PFKFB1: variants seen among roughly 807,000 people sequenced by gnomAD.
PFKFB1 encodes the protein 6-phosphofructo-2-kinase/fructose-2,6-biphosphatase 1.
Under a neutral mutation model 46.4 loss-of-function variants are expected in PFKFB1, and 34 were observed. That is an observed-to-expected ratio of 0.73 (90% CI 0.56 to 0.98). The LOEUF (loss-of-function observed/expected upper bound fraction) is 0.98. PFKFB1 is among the 50% of genes least tolerant of loss of function. The pLI is 0.00. For synonymous variants in PFKFB1, 119 were observed against 133.8 expected, an observed-to-expected ratio of 0.89 and a Z score of 0.76; for missense variants, 393 against 376.3, an observed-to-expected ratio of 1.04 and a Z score of -0.37.
intron 12 of PFKFB1, 107 bp downstream of exon 12, chrX:54,934,840 C>G: frequency 1.7e-6 from 1 of 579,200 alleles, no homozygotes; most frequent in South Asian, 2.6e-5. Context: ...CTGCAGGACA[C>G]CCACCCAGGA....
In PFKFB1 at chrX:54,933,289, C is replaced by A; in HGVS notation, c.*114G>T. The stretch of plus-strand genomic sequence containing the variant: ...TTGGGAGTTGCGGAGGACTTCTTCA[C>A]TGGAAGTGGGGTGCCTCAGTGAGGC... On this transcript the variant is annotated 3_prime_UTR_variant, in exon 14 of 14. Transcript: ENST00000375006. 4.9e-6 allele frequency: 3 copies of A among 607,132 alleles called. No homozygotes were observed. Among genetic ancestry groups the A allele is most frequent in the Non-Finnish European group, 8.1e-6 (3 of 369,634 alleles). The allele number at this position is 607,132 out of a possible 1,213,427, so 50.0% of individuals were successfully genotyped here.
At chrX:54,979,394 C>T (rs754267135) in intron 1 of PFKFB1, among the ~76,000 whole-genome samples, 44 of 111,155 alleles carry the variant, frequency 4.0e-4, no homozygotes, top group African/African-American at 1.4e-3. Context: ...TTAAGTAGTA[C>T]GGTATCTTAC....
intron 10 of PFKFB1, among the ~76,000 whole-genome samples, chrX:54,937,939 T>C (rs1324827676): frequency 8.9e-6 from 1 of 112,133 alleles, no homozygotes; most frequent in Non-Finnish European, 1.9e-5. Flanking sequence ...CAAATAAATG[T>C]ATCAATACAG....
intron 7 of PFKFB1, among the ~76,000 whole-genome samples, chrX:54,954,908 C>T (rs941306258): frequency 8.9e-6 from 1 of 112,469 alleles, no homozygotes; most frequent in Non-Finnish European, 1.9e-5. Context: ...AAACAGCAAC[C>T]TAGCAACTGC....
intron 10 of PFKFB1, among the ~76,000 whole-genome samples, chrX:54,943,490 G>A (rs1933711037): frequency 8.9e-6 from 1 of 112,432 alleles, no homozygotes; most frequent in African/African-American, 3.2e-5. Flanking sequence ...GGTGGCTCAC[G>A]CCTGTAATCC....
At chrX:54,986,556 T>C (rs1045849913) in intron 1 of PFKFB1, among the ~76,000 whole-genome samples, 6 of 111,688 alleles carry the variant, frequency 5.4e-5, no homozygotes, top group Admixed American at 3.8e-4. Context: ...ACTGGCAGAA[T>C]TGAAGGGAGA....
At chrX:54,963,658 A>G in intron 1 of PFKFB1, among the ~76,000 whole-genome samples, 1 of 112,360 alleles carries the variant, frequency 8.9e-6, no homozygotes, top group Non-Finnish European at 1.9e-5. Flanking sequence ...ACTTTATAAG[A>G]GGATTCAGCT....
rs1227808119 is a variant in PFKFB1 at position 54,947,010 on chromosome X, C to G, written c.994-1467G>C. Among the ~76,000 whole-genome samples the G allele has an allele frequency of 3.6e-5, 4 of 111,729 alleles. No homozygotes were observed. The Admixed American group carries it at 3.8e-4, about 11-fold the overall frequency. On this transcript the variant is annotated intron_variant, in intron 9 of 13. Coordinates refer to ENST00000375006, the MANE Select transcript of PFKFB1 (RefSeq NM_002625.4). ...ATTCCTGAGATTCCACCTCCTAAAGCTCTCTCAAATGGATTCCTTTTTTCC... is the reference window on the plus strand; with the variant it reads ...ATTCCTGAGATTCCACCTCCTAAAGGTCTCTCAAATGGATTCCTTTTTTCC...
At chrX:54,972,697 C>A (rs377289421) in intron 1 of PFKFB1, among the ~76,000 whole-genome samples, 1 of 111,608 alleles carries the variant, frequency 9.0e-6, no homozygotes, top group East Asian at 2.8e-4. Flanking sequence ...CCCACTTGAG[C>A]ATGGTGGATA....
chrX:54,960,007 T>C (rs960655962), intron 3 of PFKFB1, 114 bp from the exon 4 acceptor site: 35 of 556,851 alleles, frequency 6.3e-5, no homozygotes, highest in East Asian at 1.8e-4. Flanking sequence ...TAACTTATCA[T>C]GTATTGAACA....
chrX:54,958,789 C>A, intron 5 of PFKFB1, 62 bp downstream of exon 5: 1 of 791,301 alleles, frequency 1.3e-6, no homozygotes, highest in Non-Finnish European at 1.9e-6. Flanking sequence ...CCCTGGTTTG[C>A]CTTTCTTTGG....
chrX:54,943,700 G>A (rs997784368), intron 10 of PFKFB1, among the ~76,000 whole-genome samples: 1 of 110,747 alleles, frequency 9.0e-6, no homozygotes, highest in African/African-American at 3.3e-5. Context: ...GCAGTGAGCC[G>A]AGATGGGGCC....
chrX:54,986,094 T>C (rs1177010046), intron 1 of PFKFB1, among the ~76,000 whole-genome samples: 1 of 111,855 alleles, frequency 8.9e-6, no homozygotes, highest in African/African-American at 3.2e-5. Flanking sequence ...AGGTAGAGAA[T>C]ATCTAACTGA....
intron 10 of PFKFB1, among the ~76,000 whole-genome samples, chrX:54,940,405 G>C (rs1933577980): frequency 1.8e-5 from 2 of 111,761 alleles, no homozygotes; most frequent in South Asian, 7.6e-4. Context: ...AGTCAGGCAG[G>C]AGAGAGAAAT....
At chrX:54,994,954 G>C (rs756893065), upstream of PFKFB1, 4 of 489,795 alleles carry the variant, frequency 8.2e-6, no homozygotes, top group East Asian at 7.4e-4. Context: ...GAATGACACT[G>C]GCATCATGAA....
intron 10 of PFKFB1, among the ~76,000 whole-genome samples, chrX:54,944,379 T>C (rs1357948789): frequency 1.8e-5 from 2 of 111,688 alleles, no homozygotes; most frequent in Non-Finnish European, 3.8e-5. Context: ...CTAAAAAAGT[T>C]AGTAATTACA....
intron 8 of PFKFB1, among the ~76,000 whole-genome samples, chrX:54,950,577 G>A (rs959575684): frequency 1.8e-5 from 2 of 112,231 alleles, no homozygotes; most frequent in African/African-American, 3.2e-5. Context: ...GCAGGGAGGC[G>A]TGCCCTGTGG....
chrX:54,975,788 T>G (rs1278881288), intron 1 of PFKFB1, among the ~76,000 whole-genome samples: 1 of 111,205 alleles, frequency 9.0e-6, no homozygotes, highest in East Asian at 2.8e-4. Flanking sequence ...ATAGACCCAC[T>G]CAAATTTTGG....
intron 9 of PFKFB1, among the ~76,000 whole-genome samples, chrX:54,946,632 G>C (rs1439785117): frequency 1.8e-5 from 2 of 111,666 alleles, no homozygotes; most frequent in Non-Finnish European, 3.8e-5. Context: ...CTGGGTACAC[G>C]AGGTCGTTCA....
Sources: gnomAD v4.1 joint callset for allele counts (sites outside exome capture counted in the v4.1 genomes callset) on GRCh38, gnomAD v4.1.1 for gene constraint, MANE v1.5 for transcripts, NCBI Gene and HGNC (gene_info 2026-07-23, HGNC 2026-07-21) for gene names.